STON2: variants seen among roughly 807,000 people sequenced by gnomAD.
STON2 encodes the protein stonin-2.
A neutral mutation model predicts 65.7 loss-of-function variants in STON2; 29 were observed. The ratio of observed to expected loss-of-function variants is 0.44; its 90% CI spans 0.33 to 0.60. STON2 has a LOEUF of 0.60. Among genes scored for constraint, STON2 ranks in the 20% least tolerant of loss-of-function variants. The pLI is 0.03. For missense variants in STON2, 1,054 were observed against 1,118.1 expected, an observed-to-expected ratio of 0.94 and a Z score of 0.82; for synonymous variants, 404 against 414.2, an observed-to-expected ratio of 0.98 and a Z score of 0.30.
At chr14:81,371,942 G>A (rs1226789829) in intron 3 of STON2, among the ~76,000 whole-genome samples, 1 of 152,078 alleles carries the variant, frequency 6.6e-6, no homozygotes, top group South Asian at 2.1e-4. Context: ...GAGTAGATAT[G>A]TAACTATATA....
At chr14:81,384,700 A>C (rs1170906096) in intron 3 of STON2, among the ~76,000 whole-genome samples, 1 of 152,196 alleles carries the variant, frequency 6.6e-6, no homozygotes, top group Non-Finnish European at 1.5e-5. Flanking sequence ...AATAACATGG[A>C]TTATGTGAAT....
At chr14:81,399,379 T>C (rs1216683551) in intron 1 of STON2, among the ~76,000 whole-genome samples, 4 of 152,200 alleles carry the variant, frequency 2.6e-5, no homozygotes, top group Admixed American at 2.6e-4. Flanking sequence ...TGTGCTTCCA[T>C]AGAAGAGCTA....
chr14:81,276,943 AG>A lies in STON2; in HGVS notation c.2538del (p.Ser847ProfsTer6). ...AGTCGGTTTATCCTCCACACAATGG[AG>A]TTGAAGGCATGCTCGTACTTGGCAG... The part of the protein sequence containing the change: ...LGTAKYEHAF[N>X]SIVWRINRLP... On this transcript the variant is annotated frameshift_variant, in exon 6 of 8. Transcript: ENST00000614646. LOFTEE classifies it high-confidence loss of function. 6.2e-7 allele frequency: 1 copy of A among 1,614,102 alleles called. No homozygotes were observed. Among genetic ancestry groups the A allele is most frequent in the African/African-American group, 1.3e-5 (1 of 75,018 alleles).
At chr14:81,279,832 G>C (rs1295993408) in intron 5 of STON2, among the ~76,000 whole-genome samples, 4 of 152,140 alleles carry the variant, frequency 2.6e-5, no homozygotes, top group Non-Finnish European at 4.4e-5. Flanking sequence ...AAAGAGATTG[G>C]GCAATTTATA....
intron 6 of STON2, 104 bp from the exon 7 acceptor site, chr14:81,270,976 C>G (rs1477227278): frequency 2.8e-6 from 4 of 1,440,262 alleles, no homozygotes; most frequent in African/African-American, 1.4e-5. Context: ...GGGCTCGGCA[C>G]CCGGCAGCCT....
chr14:81,432,434 G>A (rs1281436415), intron 1 of STON2, among the ~76,000 whole-genome samples: 1 of 152,204 alleles, frequency 6.6e-6, no homozygotes, highest in East Asian at 1.9e-4. Flanking sequence ...ACATGGCACA[G>A]ATGTTTAATT....
At chr14:81,325,610 T>C (rs1250668016) in intron 4 of STON2, among the ~76,000 whole-genome samples, 1 of 152,132 alleles carries the variant, frequency 6.6e-6, no homozygotes, top group African/African-American at 2.4e-5. Flanking sequence ...GAAATGTTTA[T>C]GTATATAAAG....
intron 1 of STON2, chr14:81,427,215 A>G (rs1241493746): frequency 3.9e-5 from 6 of 152,196 alleles, no homozygotes; most frequent in Non-Finnish European, 8.8e-5. Context: ...TTGTTTTCCT[A>G]TGAGTAGAAA....
rs61420841 is a variant in STON2, at chr14:81,265,756, TA to T, written c.*2657del. ...AGAAGGGATTTTTCCCAACTCTTGGTAAAAAAAACAAAAAAGTCCAGGTGCA... is the reference window on the plus strand; with the variant it reads ...AGAAGGGATTTTTCCCAACTCTTGGTAAAAAAACAAAAAAGTCCAGGTGCA... On this transcript the variant is annotated 3_prime_UTR_variant, in exon 8 of 8. Coordinates refer to ENST00000614646, the MANE Select transcript of STON2 (RefSeq NM_001394390.1). The T allele has an allele frequency of 0.11, 104,407 of 979,734 alleles. 6,121 individuals carry two copies. Among genetic ancestry groups the T allele is most frequent in the African/African-American group, 0.22 (12,262 of 56,780 alleles). The allele number at this position is 979,734 out of a possible 1,614,324, so 60.7% of individuals were successfully genotyped here. A position where few individuals can be genotyped will look rare whatever the true frequency, so the allele number is the denominator to read the frequency against.
intron 1 of STON2, among the ~76,000 whole-genome samples, chr14:81,433,799 C>T (rs1201665047): frequency 2.0e-5 from 3 of 152,200 alleles, no homozygotes; most frequent in African/African-American, 7.2e-5. Context: ...CTATGCCTGA[C>T]TTACACTGGA....
chr14:81,308,396 G>A (rs1028828005), intron 5 of STON2, among the ~76,000 whole-genome samples: 13 of 152,116 alleles, frequency 8.5e-5, no homozygotes, highest in African/African-American at 2.9e-4. Flanking sequence ...TAGAGACGGA[G>A]TTTTGCCATG....
intron 1 of STON2, among the ~76,000 whole-genome samples, chr14:81,429,476 C>T (rs984871844): frequency 4.6e-5 from 7 of 152,178 alleles, no homozygotes; most frequent in African/African-American, 1.7e-4. Flanking sequence ...ATACAATGAA[C>T]ATGTTAAGAG....
At chr14:81,356,534 G>A (rs1465271728) in intron 4 of STON2, among the ~76,000 whole-genome samples, 1 of 152,088 alleles carries the variant, frequency 6.6e-6, no homozygotes, top group East Asian at 1.9e-4. Context: ...AAATGAGTTA[G>A]GGAGGATTCC....
Position 81,277,134 on chromosome 14 carries a change from T to TC in STON2, c.2347dup (p.Glu783GlyfsTer12). On this transcript the variant is annotated frameshift_variant, in exon 6 of 8. Transcript: ENST00000614646. LOFTEE classifies it high-confidence loss of function. ...CACAGGGTAACGGATCATCACATTC[T>TC]CACAGGGAACCTGAGTGAGGGGGTC... is the stretch of plus-strand genomic sequence containing the variant. The TC allele has an allele frequency of 6.2e-7, 1 of 1,614,156 alleles. No individual in the cohort carries two copies. The highest frequency in any genetic ancestry group is 8.5e-7 in the Non-Finnish European group (1 of 1,180,032).
chr14:81,273,329 T>C (rs929254997), intron 6 of STON2, among the ~76,000 whole-genome samples: 1 of 152,212 alleles, frequency 6.6e-6, no homozygotes, highest in Admixed American at 6.5e-5. Context: ...TTCTGTCATT[T>C]CCCTTGATGA....
intron 4 of STON2, among the ~76,000 whole-genome samples, chr14:81,354,220 C>T (rs1326502522): frequency 6.6e-6 from 1 of 152,208 alleles, no homozygotes; most frequent in African/African-American, 2.4e-5. Flanking sequence ...AGAGGTCAGC[C>T]AGTGGTCTTA....
At chr14:81,355,727 C>T (rs1898201155) in intron 4 of STON2, among the ~76,000 whole-genome samples, 1 of 152,146 alleles carries the variant, frequency 6.6e-6, no homozygotes, top group South Asian at 2.1e-4. Flanking sequence ...CTTCACGTCC[C>T]TTGTAAGGTG....
chr14:81,289,893 T>C (rs1895487355), intron 5 of STON2, among the ~76,000 whole-genome samples: 1 of 152,190 alleles, frequency 6.6e-6, no homozygotes, highest in Non-Finnish European at 1.5e-5. Context: ...TTGATTATCC[T>C]CCTGGTTATG....
At chr14:81,369,750 A>G (rs1898902649) in intron 4 of STON2, among the ~76,000 whole-genome samples, 1 of 152,166 alleles carries the variant, frequency 6.6e-6, no homozygotes, top group Admixed American at 6.5e-5. Flanking sequence ...GGGTATGCAT[A>G]TGGGCCTCCT....
Sources: allele counts gnomAD v4.1 joint callset (sites outside exome capture counted in the v4.1 genomes callset), GRCh38; gene constraint gnomAD v4.1.1; transcripts MANE v1.5; gene names NCBI Gene and HGNC (gene_info 2026-07-23, HGNC 2026-07-21).